Variants in RFX7 observed in about 807,000 individuals in gnomAD.
RFX7 encodes the protein regulatory factor X7, also known as DNA-binding protein RFX7.
RFX7 carries 26 observed loss-of-function variants against 111.8 expected under a neutral mutation model. That is an observed-to-expected ratio of 0.23 (90% CI 0.17 to 0.32). The LOEUF (loss-of-function observed/expected upper bound fraction) is 0.32. Among genes scored for constraint, RFX7 ranks in the 10% least tolerant of loss-of-function variants. RFX7 has a pLI of 1.00. For synonymous variants in RFX7, 624 were observed against 624.4 expected (o/e 1.00, Z 0.01); for missense variants, 1,573 against 1,772.9 (o/e 0.89, Z 2.02).
At chr15:56,126,894 A>G (rs1399777274) in intron 5 of RFX7, among the ~76,000 whole-genome samples, 1 of 152,156 alleles carries the variant, frequency 6.6e-6, no homozygotes, top group African/African-American at 2.4e-5. Context: ...CAAAAAAGAC[A>G]ATTCAGCAAT....
chr15:56,123,060 C>A lies in RFX7; in HGVS notation c.402-19390G>T, dbSNP rs368375182. Among the ~76,000 whole-genome samples, 4 of 152,278 alleles carry A rather than the reference C, an allele frequency of 2.6e-5. No homozygotes were observed. The South Asian group carries it at 8.3e-4, about 32-fold the overall frequency. On this transcript the variant is annotated intron_variant, in intron 5 of 9. Coordinates refer to ENST00000559447, the MANE Select transcript of RFX7 (RefSeq NM_022841.7). ...CTCTTGGTGGTCTTCCCCACTGTGG[C>A]TGGGCTGGCACCTAAGCAGCAAAAC...
In RFX7 at chr15:56,098,294, T is replaced by A; in HGVS notation, c.894A>T (p.Pro298=). 1 of 1,613,868 alleles carries A rather than the reference T, an allele frequency of 6.2e-7. No homozygotes were observed. The highest frequency in any genetic ancestry group is 8.5e-7 in the Non-Finnish European group (1 of 1,179,800). Residue 298 remains proline (P), a synonymous_variant, in exon 9 of 10, where the codon CCA becomes CCT. Transcript: ENST00000559447. ...NSFQPQVKTL[P]SPIDAKQQLQ... is the part of the protein sequence containing the mutation. ...ACTGCTGTTTAGCATCAATTGGAGA[T>A]GGCAAAGTCTTCACCTGAGGCTGAA... is the stretch of plus-strand genomic sequence containing the variant.
intron 6 of RFX7, 87 bp from the exon 7 acceptor site, chr15:56,102,340 GA>G (rs142841844): frequency 7.1e-5 from 48 of 674,570 alleles, no homozygotes; most frequent in South Asian, 1.9e-4. Flanking sequence ...TATGAAATGA[GA>G]AAAAAAAATC....
At chr15:56,174,688 A>C (rs2042884017) in intron 3 of RFX7, among the ~76,000 whole-genome samples, 1 of 152,188 alleles carries the variant, frequency 6.6e-6, no homozygotes, top group East Asian at 1.9e-4. Context: ...CAGAAGTTGC[A>C]GTGAGCCGAG....
rs16976731 is a variant in RFX7 at position 56,088,086 on chromosome 15, T to C, written c.*5259A>G. The C allele has an allele frequency of 3.4e-3, 738 of 216,316 alleles. 6 individuals are homozygous for C. The highest frequency in any genetic ancestry group is 0.017 in the African/African-American group (702 of 42,294). 13.4% of individuals were successfully genotyped at this position (216,316 alleles called of 1,614,324 possible). A position where few individuals can be genotyped will look rare whatever the true frequency, so the allele number is the denominator to read the frequency against. ...AAGCAATAAAAATGAAAAAGAATTGTTGACATATAAGGATGGGAGGTTAAA... is the reference window on the plus strand; with the variant it reads ...AAGCAATAAAAATGAAAAAGAATTGCTGACATATAAGGATGGGAGGTTAAA... On this transcript the variant is annotated 3_prime_UTR_variant, in exon 10 of 10. Coordinates refer to ENST00000559447, the MANE Select transcript of RFX7 (RefSeq NM_022841.7).
Position 56,094,273 on chromosome 15 carries a change from T to C in RFX7, c.3455A>G (p.Lys1152Arg). 2 of 1,613,996 alleles carry C rather than the reference T, an allele frequency of 1.2e-6. 1 individual carries two copies. The highest frequency in any genetic ancestry group is 3.3e-4 in the Middle Eastern group (2 of 6,060). The change falls in exon 10 of 10, where the codon AAA (lysine) becomes AGA (arginine). Residue 1152 changes from lysine (K) to arginine (R), a missense_variant. Physicochemically the swap from Lys to Arg is conservative, Grantham distance 26 (BLOSUM62 2). Coordinates refer to ENST00000559447, the MANE Select transcript of RFX7 (RefSeq NM_022841.7). ...GCTGCTGGCAGATGAATTAGTTCCT[T>C]TATTATCAAGAGGGGCAGGGACTGC... Reference protein sequence around the residue: ...GFAVPAPLDNKGTNSSASSNF... With the variant: ...GFAVPAPLDNRGTNSSASSNF...
At chr15:56,119,129 A>G (rs2042044175) in intron 5 of RFX7, among the ~76,000 whole-genome samples, 1 of 152,152 alleles carries the variant, frequency 6.6e-6, no homozygotes, top group Non-Finnish European at 1.5e-5. Flanking sequence ...AATTTCTCCC[A>G]TTCTGTGGGT....
intron 2 of RFX7, among the ~76,000 whole-genome samples, chr15:56,189,061 C>T (rs553988758): frequency 5.3e-5 from 8 of 152,242 alleles, no homozygotes; most frequent in South Asian, 2.1e-4. Context: ...TCAGGTGATC[C>T]GCCCATCTCG....
intron 5 of RFX7, among the ~76,000 whole-genome samples, chr15:56,138,762 C>G (rs1230707708): frequency 6.6e-6 from 1 of 151,916 alleles, no homozygotes. Flanking sequence ...ACTGGTTTTT[C>G]CTTTCCATGT....
chr15:56,104,342 T>G (rs1388676070), intron 5 of RFX7, among the ~76,000 whole-genome samples: 5 of 152,194 alleles, frequency 3.3e-5, no homozygotes, highest in Non-Finnish European at 5.9e-5. Flanking sequence ...TCTCTAGAGC[T>G]GCCAGTCATA....
intron 3 of RFX7, among the ~76,000 whole-genome samples, chr15:56,168,374 A>C (rs1939605395): frequency 6.6e-6 from 1 of 152,204 alleles, no homozygotes. Flanking sequence ...CGATCCAGTA[A>C]ATATTTACTG....
At chr15:56,228,168 T>C (rs1483363204) in intron 2 of RFX7, among the ~76,000 whole-genome samples, 2 of 152,038 alleles carry the variant, frequency 1.3e-5, no homozygotes, top group Admixed American at 1.3e-4. Context: ...GAGTAAAATA[T>C]GCCTAGGCAT....
chr15:56,141,656 A>AATTATATATATATATATATATATAT (rs2042396650), intron 5 of RFX7, among the ~76,000 whole-genome samples: 1 of 83,210 alleles, frequency 1.2e-5, no homozygotes, highest in African/African-American at 6.6e-5. Flanking sequence ...GCTTACTCTA[A>AATTATATATATATATATATATATAT]ATATATATAT....
At chr15:56,224,178 A>G (rs2043456361) in intron 2 of RFX7, among the ~76,000 whole-genome samples, 1 of 152,104 alleles carries the variant, frequency 6.6e-6, no homozygotes, top group Non-Finnish European at 1.5e-5. Flanking sequence ...ATTTTGTAAA[A>G]TGAACGGTGC....
intron 5 of RFX7, among the ~76,000 whole-genome samples, chr15:56,142,296 C>T (rs1232670613): frequency 6.6e-6 from 1 of 152,150 alleles, no homozygotes; most frequent in African/African-American, 2.4e-5. Flanking sequence ...AAGGACAACT[C>T]TCTTGTCCTT....
intron 2 of RFX7, among the ~76,000 whole-genome samples, chr15:56,182,590 T>C (rs1266368806): frequency 6.6e-6 from 1 of 152,210 alleles, no homozygotes; most frequent in Non-Finnish European, 1.5e-5. Context: ...AATGTTTATG[T>C]AAATTCCATC....
intron 2 of RFX7, among the ~76,000 whole-genome samples, chr15:56,230,605 TAAAAAGATGC>T (rs1325335871): frequency 2.6e-5 from 4 of 151,844 alleles, no homozygotes; most frequent in African/African-American, 9.7e-5. Context: ...AGGTGAAAAA[TAAAAAGATGC>T]AAAATTGTTG....
At chr15:56,232,115 G>A (rs766780137) in intron 2 of RFX7, among the ~76,000 whole-genome samples, 8 of 152,288 alleles carry the variant, frequency 5.3e-5, no homozygotes, top group South Asian at 2.1e-4. Flanking sequence ...GCAAGCTATC[G>A]GTGGATCTAC....
intron 2 of RFX7, among the ~76,000 whole-genome samples, chr15:56,210,281 A>G (rs2043299016): frequency 6.6e-6 from 1 of 152,134 alleles, no homozygotes; most frequent in Non-Finnish European, 1.5e-5. Context: ...CTAAATGTAT[A>G]TGAACCTAAT....
Sources: allele counts gnomAD v4.1 joint callset (sites outside exome capture counted in the v4.1 genomes callset), GRCh38; gene constraint gnomAD v4.1.1; transcripts MANE v1.5; gene names NCBI Gene and HGNC (gene_info 2026-07-23, HGNC 2026-07-21).